NTNG1: variants seen among roughly 807,000 people sequenced by gnomAD.
The protein encoded by NTNG1 is netrin G1, also known as netrin-G1.
NTNG1 carries 16 observed loss-of-function variants against 54.0 expected under a neutral mutation model. That is an observed-to-expected ratio of 0.30 (90% CI 0.20 to 0.45). The LOEUF (loss-of-function observed/expected upper bound fraction) is 0.45. NTNG1 is among the 20% of genes least tolerant of loss of function. The pLI, the probability that NTNG1 is intolerant of heterozygous loss-of-function variation, is 1.00. For missense variants in NTNG1, 530 were observed against 678.7 expected, an observed-to-expected ratio of 0.78 and a Z score of 2.43; for synonymous variants, 255 against 263.1, an observed-to-expected ratio of 0.97 and a Z score of 0.30.
At chr1:107,436,869 G>A (rs1202359434) in intron 7 of NTNG1, 70 bp downstream of exon 7, 10 of 1,429,102 alleles carry the variant, frequency 7.0e-6, no homozygotes, top group African/African-American at 4.2e-5. Flanking sequence ...AGGCCGGTGC[G>A]TGCAGCTTCT....
Position 107,483,108 on chromosome 1 carries a change from G to T in NTNG1, c.*2268G>T, listed in dbSNP as rs979431255. The T allele has an allele frequency of 6.6e-6, 1 of 152,186 alleles. No homozygotes were observed. The highest frequency in any genetic ancestry group is 1.5e-5 in the Non-Finnish European group (1 of 68,034). The allele number at this position is 152,186 out of a possible 1,614,324, so 9.4% of individuals were successfully genotyped here. A position where few individuals can be genotyped will look rare whatever the true frequency, so the allele number is the denominator to read the frequency against. The stretch of plus-strand genomic sequence containing the variant: ...GGGAGTTTGAGATTATTTATAATGA[G>T]GTGGATTTCTGATATTAAAATTAGA... On this transcript the variant is annotated 3_prime_UTR_variant, in exon 8 of 8. Coordinates refer to ENST00000370068, the MANE Select transcript of NTNG1 (RefSeq NM_001113226.3).
At chr1:107,239,605 C>T (rs768439471) in intron 2 of NTNG1, among the ~76,000 whole-genome samples, 2 of 152,182 alleles carry the variant, frequency 1.3e-5, no homozygotes, top group African/African-American at 2.4e-5. Context: ...AAAATCCAAA[C>T]ATTGAGAGCT....
intron 4 of NTNG1, 160 bp downstream of exon 4, chr1:107,395,486 T>A (rs1316063182): frequency 3.9e-6 from 3 of 771,824 alleles, no homozygotes; most frequent in Admixed American, 3.4e-5. Flanking sequence ...CATGTAGACA[T>A]CTTTTAGCAC....
At chr1:107,282,217 A>G (rs1202786621) in intron 2 of NTNG1, among the ~76,000 whole-genome samples, 1 of 152,176 alleles carries the variant, frequency 6.6e-6, no homozygotes, top group African/African-American at 2.4e-5. Context: ...ATAGAAAGCA[A>G]TCATTTAAGT....
intron 2 of NTNG1, among the ~76,000 whole-genome samples, chr1:107,262,940 G>A (rs1215702013): frequency 6.6e-6 from 1 of 152,190 alleles, no homozygotes; most frequent in African/African-American, 2.4e-5. Flanking sequence ...AGTGATGACT[G>A]AATTGAGAAA....
chr1:107,263,084 A>C (rs1394584031), intron 2 of NTNG1, among the ~76,000 whole-genome samples: 1 of 152,226 alleles, frequency 6.6e-6, no homozygotes, highest in African/African-American at 2.4e-5. Context: ...ATGCTATGGA[A>C]TCAATATTGT....
intron 2 of NTNG1, among the ~76,000 whole-genome samples, chr1:107,242,183 G>A (rs1004646822): frequency 6.6e-6 from 1 of 152,040 alleles, no homozygotes; most frequent in Non-Finnish European, 1.5e-5. Flanking sequence ...GGGGGGGTGA[G>A]GGGATGGGGT....
Position 107,301,626 on chromosome 1 carries a change from A to T in NTNG1, c.247-22656A>T, listed in dbSNP as rs573169821. ...AAATTTTAAAGGATGAGATAACAAA[A>T]GTAGAAATAGATGTTCCAGTTTTTT... On this transcript the variant is annotated intron_variant, in intron 2 of 7. Coordinates refer to ENST00000370068, the MANE Select transcript of NTNG1 (RefSeq NM_001113226.3). Among the ~76,000 whole-genome samples the T allele has an allele frequency of 1.2e-3, 190 of 152,300 alleles. 1 individual carries two copies. Among genetic ancestry groups the T allele is most frequent in the African/African-American group, 4.5e-3 (185 of 41,564 alleles).
chr1:107,450,581 G>C (rs1440392946), intron 7 of NTNG1, among the ~76,000 whole-genome samples: 1 of 150,840 alleles, frequency 6.6e-6, no homozygotes, highest in Non-Finnish European at 1.5e-5. Flanking sequence ...GCTCCTTCCC[G>C]GAAAAAAAAA....
chr1:107,295,188 A>G (rs1439287201), intron 2 of NTNG1, among the ~76,000 whole-genome samples: 1 of 152,184 alleles, frequency 6.6e-6, no homozygotes, highest in Non-Finnish European at 1.5e-5. Context: ...CCAGTGGAGC[A>G]AATTATATCA....
chr1:107,221,432 T>C (rs2101467256), intron 2 of NTNG1, among the ~76,000 whole-genome samples: 1 of 152,198 alleles, frequency 6.6e-6, no homozygotes. Flanking sequence ...CCAAGCAAGG[T>C]AGACTACCTC....
intron 2 of NTNG1, among the ~76,000 whole-genome samples, chr1:107,277,547 A>G (rs1664559644): frequency 6.6e-6 from 1 of 152,236 alleles, no homozygotes; most frequent in African/African-American, 2.4e-5. Flanking sequence ...GATAGAGAAA[A>G]ATAAAATACT....
At chr1:107,329,426 G>A (rs1476763530) in intron 3 of NTNG1, among the ~76,000 whole-genome samples, 1 of 152,184 alleles carries the variant, frequency 6.6e-6, no homozygotes, top group Non-Finnish European at 1.5e-5. Context: ...CTGACATCGT[G>A]TTCTTGAAGC....
intron 5 of NTNG1, chr1:107,409,627 T>C (rs1245832255): frequency 6.6e-6 from 1 of 152,120 alleles, no homozygotes. Context: ...ATCGAGAACC[T>C]AGGAAAATTT....
At chr1:107,371,763 G>C (rs895375512) in intron 3 of NTNG1, among the ~76,000 whole-genome samples, 2 of 152,056 alleles carry the variant, frequency 1.3e-5, no homozygotes, top group African/African-American at 4.8e-5. Flanking sequence ...TCTGATGCAA[G>C]TAACAGGCTG....
chr1:107,429,962 T>G (rs1675152656), intron 5 of NTNG1, among the ~76,000 whole-genome samples: 1 of 152,138 alleles, frequency 6.6e-6, no homozygotes, highest in Admixed American at 6.6e-5. Flanking sequence ...GAGACACCTC[T>G]AACATTTCAG....
chr1:107,242,249 A>T (rs921576243), intron 2 of NTNG1, among the ~76,000 whole-genome samples: 2 of 152,134 alleles, frequency 1.3e-5, no homozygotes, highest in African/African-American at 4.8e-5. Context: ...CCAGGAGGCA[A>T]AGTTTGCCGT....
chr1:107,270,481 A>G (rs1413052369), intron 2 of NTNG1, among the ~76,000 whole-genome samples: 2 of 152,226 alleles, frequency 1.3e-5, no homozygotes, highest in Non-Finnish European at 2.9e-5. Flanking sequence ...AAATGGGAAT[A>G]ATAAGGTTGT....
chr1:107,196,936 G>A (rs961523355), intron 2 of NTNG1, among the ~76,000 whole-genome samples: 2 of 151,724 alleles, frequency 1.3e-5, no homozygotes, highest in South Asian at 2.1e-4. Flanking sequence ...TGTCATTCTC[G>A]GGCGGGTGTG....
Sources: gnomAD v4.1 joint callset for allele counts (sites outside exome capture counted in the v4.1 genomes callset) on GRCh38, gnomAD v4.1.1 for gene constraint, MANE v1.5 for transcripts, NCBI Gene and HGNC (gene_info 2026-07-23, HGNC 2026-07-21) for gene names.